The following DIP2C variants were observed in gnomAD, a reference collection of about 807,000 sequenced individuals.
DIP2C encodes disco-interacting protein 2 homolog C.
Under a neutral mutation model 192.4 loss-of-function variants are expected in DIP2C, and 33 were observed. The ratio of observed to expected loss-of-function variants is 0.17; its 90% CI spans 0.13 to 0.23. The LOEUF (loss-of-function observed/expected upper bound fraction) is 0.23, where lower values mean the gene tolerates loss of function less well. Ranked by LOEUF, DIP2C falls within the 10% of genes least tolerant of loss-of-function variation. The pLI is 1.00. For missense variants in DIP2C, 1,537 were observed against 2,110.1 expected (o/e 0.73, Z 5.32); for synonymous variants, 979 against 864.1 (o/e 1.13, Z -2.33).
At chr10:596,674 G>A (rs1299387905) in intron 1 of DIP2C, among the ~76,000 whole-genome samples, 1 of 152,178 alleles carries the variant, frequency 6.6e-6, no homozygotes, top group East Asian at 1.9e-4. Flanking sequence ...AGGAAGGAAG[G>A]CACATACTGT....
chr10:522,267 C>G (rs910240709), intron 1 of DIP2C, among the ~76,000 whole-genome samples: 2 of 152,200 alleles, frequency 1.3e-5, no homozygotes, highest in African/African-American at 4.8e-5. Context: ...TGGTCCAGTT[C>G]TTTTTAGTGT....
intron 1 of DIP2C, among the ~76,000 whole-genome samples, chr10:623,921 T>C (rs1218758388): frequency 6.6e-6 from 1 of 152,188 alleles, no homozygotes; most frequent in Non-Finnish European, 1.5e-5. Context: ...TCCACAGCCT[T>C]CACAGATTAT....
intron 21 of DIP2C, among the ~76,000 whole-genome samples, chr10:362,936 G>GTTATCTT (rs1959712430): frequency 6.6e-6 from 1 of 152,160 alleles, no homozygotes; most frequent in Non-Finnish European, 1.5e-5. Flanking sequence ...AAGATAACAT[G>GTTATCTT]TTCTCAAGAT....
intron 1 of DIP2C, among the ~76,000 whole-genome samples, chr10:637,024 C>T (rs888275699): frequency 6.6e-6 from 1 of 152,248 alleles, no homozygotes; most frequent in African/African-American, 2.4e-5. Context: ...CGCGGGCAGC[C>T]GAGACACCTG....
At chr10:462,087 A>G (rs1162319154) in intron 3 of DIP2C, among the ~76,000 whole-genome samples, 2 of 152,220 alleles carry the variant, frequency 1.3e-5, no homozygotes, top group African/African-American at 4.8e-5. Context: ...GGAAAGATCT[A>G]AAATCGATAC....
intron 14 of DIP2C, among the ~76,000 whole-genome samples, chr10:387,254 C>G (rs1963034472): frequency 6.6e-6 from 1 of 152,222 alleles, no homozygotes; most frequent in African/African-American, 2.4e-5. Context: ...ATCCACGTGT[C>G]CAAGACCCTC....
intron 1 of DIP2C, among the ~76,000 whole-genome samples, chr10:566,809 AGCAGCGTCTATGGCT>A (rs1849492274): frequency 6.6e-6 from 1 of 152,258 alleles, no homozygotes; most frequent in Non-Finnish European, 1.5e-5. Context: ...CACCATGCGG[AGCAGCGTCTATGGCT>A]GCTGTGATGC....
chr10:340,805 G>A (rs990071867), intron 29 of DIP2C: 24 of 458,904 alleles, frequency 5.2e-5, no homozygotes, highest in African/African-American at 1.0e-4. Context: ...CCTAAGCCCC[G>A]CAGTAACAGC....
At chr10:514,982 ATTT>A (rs1846258508) in intron 1 of DIP2C, among the ~76,000 whole-genome samples, 1 of 152,204 alleles carries the variant, frequency 6.6e-6, no homozygotes, top group South Asian at 2.1e-4. Flanking sequence ...GCTAAAAACA[ATTT>A]TTACGTCCAC....
chr10:310,441 C>T lies in DIP2C; in HGVS notation c.3925-349G>A, dbSNP rs138085484. On this transcript the variant is annotated intron_variant, in intron 31 of 36. Transcript: ENST00000280886. ...GTTGGAAGGATATGAAGCATCTGTG[C>T]GGAGAAATTTTTACCACATGCATCC... 9.1e-4 allele frequency among the ~76,000 whole-genome samples: 138 copies of T among 152,322 alleles called. No individual in the cohort carries two copies. The East Asian group carries it at 0.022, about 24-fold the overall frequency.
At chr10:480,418 C>G (rs1044245405) in intron 2 of DIP2C, among the ~76,000 whole-genome samples, 1 of 152,034 alleles carries the variant, frequency 6.6e-6, no homozygotes, top group Non-Finnish European at 1.5e-5. Context: ...CCAGTCCACG[C>G]TCACTGGATG....
intron 21 of DIP2C, among the ~76,000 whole-genome samples, chr10:362,915 A>T (rs969008387): frequency 1.3e-5 from 2 of 152,144 alleles, no homozygotes; most frequent in Admixed American, 6.5e-5. Context: ...TAAAAAAGGA[A>T]CTTTGGAGAA....
At chr10:616,618 G>A (rs1379522104) in intron 1 of DIP2C, among the ~76,000 whole-genome samples, 3 of 152,154 alleles carry the variant, frequency 2.0e-5, no homozygotes, top group Admixed American at 6.5e-5. Flanking sequence ...GCACCCAGAG[G>A]TCTGCCAGGT....
At chr10:435,991 T>A (rs1192628576) in intron 4 of DIP2C, among the ~76,000 whole-genome samples, 2 of 151,702 alleles carry the variant, frequency 1.3e-5, no homozygotes, top group African/African-American at 4.9e-5. Flanking sequence ...ACAGGTACAA[T>A]TAATTTTATT....
chr10:324,522 T>A (rs1957176093), intron 31 of DIP2C: 1 of 159,008 alleles, frequency 6.3e-6, no homozygotes, highest in African/African-American at 2.4e-5. Context: ...TCCAATACTA[T>A]GCAGACAAGG....
At chr10:535,871 AATT>A (rs373939670) in intron 1 of DIP2C, among the ~76,000 whole-genome samples, 6 of 152,224 alleles carry the variant, frequency 3.9e-5, no homozygotes, top group African/African-American at 1.4e-4. Flanking sequence ...AGGTCAAAAT[AATT>A]ATTATAAACA....
chr10:390,880 GA>G lies in DIP2C; in HGVS notation c.1261-18del, dbSNP rs1963405906. 2.5e-6 allele frequency: 4 copies of G among 1,612,960 alleles called. No homozygotes were observed. Among genetic ancestry groups the G allele is most frequent in the Non-Finnish European group, 3.4e-6 (4 of 1,179,568 alleles). On this transcript the variant is annotated intron_variant, in intron 10 of 36. Transcript: ENST00000280886. ...CCCTGCGTCCTGAGAGGGCAACAGA[GA>G]GGAGTTGAGAATCCACGACCTGCCC... is the stretch of plus-strand genomic sequence containing the variant.
Position 277,287 on chromosome 10 carries a change from A to C in DIP2C, c.*38T>G. ...TCAGTGGACACGGAGAACAATGTCT[A>C]CATCTCTAGAAAAGTCCATGGAAGC... is the stretch of plus-strand genomic sequence containing the variant. On this transcript the variant is annotated 3_prime_UTR_variant, in exon 37 of 37. Transcript: ENST00000280886. The C allele has an allele frequency of 6.2e-7, 1 of 1,607,560 alleles. No individual in the cohort carries two copies. Among genetic ancestry groups the C allele is most frequent in the Non-Finnish European group, 8.5e-7 (1 of 1,177,842 alleles).
intron 9 of DIP2C, among the ~76,000 whole-genome samples, chr10:400,081 A>G (rs539576818): frequency 6.6e-6 from 1 of 152,336 alleles, no homozygotes; most frequent in African/African-American, 2.4e-5. Context: ...AGTTCACTCT[A>G]TTACCCAGGC....
Sources: gnomAD v4.1 joint callset for allele counts (sites outside exome capture counted in the v4.1 genomes callset) on GRCh38, gnomAD v4.1.1 for gene constraint, MANE v1.5 for transcripts, NCBI Gene and HGNC (gene_info 2026-07-23, HGNC 2026-07-21) for gene names.